Variants in CAPN8 observed in about 807,000 individuals in gnomAD.
The protein encoded by CAPN8 is calpain 8, also known as calpain-8.
A neutral mutation model predicts 80.9 loss-of-function variants in CAPN8; 87 were observed. That is an observed-to-expected ratio of 1.07 (90% confidence interval 0.90 to 1.28). The LOEUF (loss-of-function observed/expected upper bound fraction) is 1.28, where lower values mean the gene tolerates loss of function less well. Among genes scored for constraint, CAPN8 ranks in the 50% most tolerant of loss-of-function variants. The pLI, the probability that CAPN8 is intolerant of heterozygous loss-of-function variation, is 0.00. For missense variants in CAPN8, 757 were observed against 702.0 expected (o/e 1.08, Z -0.89); for synonymous variants, 299 against 273.8 (o/e 1.09, Z -0.91).
intron 2 of CAPN8, among the ~76,000 whole-genome samples, chr1:223,646,034 C>T (rs1658181750): frequency 6.6e-6 from 1 of 152,186 alleles, no homozygotes; most frequent in Non-Finnish European, 1.5e-5. Context: ...GGAAAATAGA[C>T]TGCACTCTGT....
At chr1:223,621,651 G>A (rs1281076090) in intron 7 of CAPN8, among the ~76,000 whole-genome samples, 2 of 152,138 alleles carry the variant, frequency 1.3e-5, no homozygotes, top group East Asian at 1.9e-4. Flanking sequence ...GTGTTTCTTC[G>A]TGACACAACC....
rs1401475217 is a variant in CAPN8, at chr1:223,546,694, T to C, written c.1765-1395A>G. 2.0e-5 allele frequency among the ~76,000 whole-genome samples: 3 copies of C among 152,136 alleles called. No homozygotes were observed. In the East Asian group the frequency reaches 5.8e-4, roughly 29 times the overall value. Reference sequence around the variant, plus strand: ...TCCCATTTTCCAGGAGAAACTGAAGTTCAGAGCATTTAGTAACTTCCTCAA... The same window carrying C: ...TCCCATTTTCCAGGAGAAACTGAAGCTCAGAGCATTTAGTAACTTCCTCAA... On this transcript the variant is annotated intron_variant, in intron 16 of 20. Transcript: ENST00000366872.
chr1:223,609,149 G>C lies in CAPN8; in HGVS notation c.1535+4C>G, dbSNP rs1316073016. 5 of 398,400 alleles carry C rather than the reference G, an allele frequency of 1.3e-5. No individual in the cohort carries two copies. The highest frequency in any genetic ancestry group is 2.2e-5 in the Non-Finnish European group (5 of 226,072). 24.7% of individuals were successfully genotyped at this position (398,400 alleles called of 1,614,324 possible). A position where few individuals can be genotyped will look rare whatever the true frequency, so the allele number is the denominator to read the frequency against. On this transcript the variant is annotated splice_donor_region_variant and intron_variant, in intron 12 of 20. Transcript: ENST00000366872. ...TTCCCCACCACGGAGGGAAGGAGAC[G>C]CACAGGGCCTGGGCCTTCTTCTCTG...
intron 4 of CAPN8, 114 bp from the exon 5 acceptor site, chr1:223,627,271 C>T: frequency 8.1e-7 from 1 of 1,242,130 alleles, no homozygotes; most frequent in Non-Finnish European, 1.1e-6. Context: ...AAGGAAGGCT[C>T]TTTGCCTATT....
chr1:223,653,762 G>A (rs973038492), intron 2 of CAPN8, among the ~76,000 whole-genome samples: 2 of 152,094 alleles, frequency 1.3e-5, no homozygotes, highest in Non-Finnish European at 2.9e-5. Context: ...TGACAATGGA[G>A]GCTAGAACTT....
intron 1 of CAPN8, among the ~76,000 whole-genome samples, chr1:223,661,904 G>T (rs1269579195): frequency 6.6e-6 from 1 of 152,130 alleles, no homozygotes; most frequent in Non-Finnish European, 1.5e-5. Context: ...ATAACCAAAA[G>T]TGGAAGCAAC....
chr1:223,638,934 T>C (rs939665044), intron 2 of CAPN8, among the ~76,000 whole-genome samples: 1 of 152,242 alleles, frequency 6.6e-6, no homozygotes, highest in Non-Finnish European at 1.5e-5. Context: ...ATCCTGCTAA[T>C]GTAGAATTAA....
chr1:223,558,269 C>T, intron 12 of CAPN8, 102 bp from the exon 13 acceptor site: 1 of 396,978 alleles, frequency 2.5e-6, no homozygotes, highest in Non-Finnish European at 4.4e-6. Context: ...AGAGATTGGG[C>T]TCGCACCCCA....
chr1:223,643,253 C>G (rs535672968), intron 2 of CAPN8, among the ~76,000 whole-genome samples: 1 of 152,364 alleles, frequency 6.6e-6, no homozygotes, highest in South Asian at 2.1e-4. Context: ...CCCTGACACA[C>G]TGTCAAGTGT....
rs953383500 is a variant in CAPN8, at chr1:223,609,301, G to C, written c.1387C>G (p.Arg463Gly). Residue 463 changes from arginine (R) to glycine (G), a missense_variant, in exon 12 of 21, where the codon CGC (arginine) becomes GGC (glycine). Transcript: ENST00000366872. ...CGCAGGTTGACGTAGGTGCTGGTGC[G>C]GGCTGAGGGCTGGTAGGCCAGGAAG... is the stretch of plus-strand genomic sequence containing the variant. ...DFFLAYQPSA[R>G]TSTYVNLREV... The C allele has an allele frequency of 2.5e-6, 1 of 398,460 alleles. No individual in the cohort carries two copies. Among genetic ancestry groups the C allele is most frequent in the African/African-American group, 2.1e-5 (1 of 48,588 alleles). The allele number at this position is 398,460 out of a possible 1,614,324, so 24.7% of individuals were successfully genotyped here.
intron 1 of CAPN8, among the ~76,000 whole-genome samples, chr1:223,656,398 T>A (rs1246505872): frequency 2.6e-5 from 4 of 151,942 alleles, no homozygotes; most frequent in African/African-American, 9.7e-5. Flanking sequence ...AGGCGGAGGT[T>A]GCAGTAAGCC....
At chr1:223,662,333 C>T (rs1658667047) in intron 1 of CAPN8, among the ~76,000 whole-genome samples, 1 of 152,050 alleles carries the variant, frequency 6.6e-6, no homozygotes, top group African/African-American at 2.4e-5. Flanking sequence ...CCTGTAATCC[C>T]AGCTACTCAG....
intron 16 of CAPN8, 111 bp downstream of exon 16, chr1:223,549,207 T>A (rs1656714906): frequency 7.2e-7 from 1 of 1,381,710 alleles, no homozygotes; most frequent in Non-Finnish European, 9.8e-7. Context: ...GCCTGCTCTC[T>A]CCCCTTCTCA....
chr1:223,627,008 A>C lies in CAPN8; in HGVS notation c.710T>G (p.Leu237Arg). The C allele has an allele frequency of 6.4e-7, 1 of 1,551,820 alleles. No homozygotes were observed. Among genetic ancestry groups the C allele is most frequent in the Non-Finnish European group, 8.7e-7 (1 of 1,146,998 alleles). ...CCTCACATCAATGGAGCAGCCCAGC[A>C]GAGACCCCGCACAGAGGGCCTTCCG... ...IIRKALCAGS[L>R]LGCSIDVSSA... is the part of the protein sequence containing the mutation. Residue 237 changes from leucine (L) to arginine (R), a missense_variant, in exon 5 of 21, where the codon CTG becomes CGG. Leu to Arg is a moderately radical substitution (Grantham distance 102). Transcript: ENST00000366872.
chr1:223,611,578 G>T (rs1445953193), intron 11 of CAPN8, among the ~76,000 whole-genome samples: 2 of 152,182 alleles, frequency 1.3e-5, no homozygotes, highest in Non-Finnish European at 2.9e-5. Context: ...TTCAATAAAA[G>T]TTGCTAACAC....
At chr1:223,618,269 A>C (rs781057755) in intron 9 of CAPN8, 1 of 1,550,396 alleles carries the variant, frequency 6.4e-7, no homozygotes, top group Non-Finnish European at 8.7e-7. Flanking sequence ...AGCTGATTCA[A>C]CCTAGGAGGA....
intron 20 of CAPN8, 137 bp from the exon 21 acceptor site, chr1:223,541,996 A>G (rs1026498974): frequency 4.3e-6 from 6 of 1,396,662 alleles, no homozygotes; most frequent in Non-Finnish European, 5.9e-6. Context: ...AAACATGGGA[A>G]GCAAGGAAGG....
chr1:223,628,783 GCA>G lies in CAPN8; in HGVS notation c.308-5_308-4del. The G allele has an allele frequency of 6.4e-7, 1 of 1,553,068 alleles. No individual in the cohort carries two copies. Among genetic ancestry groups the G allele is most frequent in the Admixed American group, 1.9e-5 (1 of 51,440 alleles). ...GGCAGCCAGAAGCCAGCAGTCACCTGCACAGTGTCACAGGGGACACAGATTGG... is the reference window on the plus strand; with the variant it reads ...GGCAGCCAGAAGCCAGCAGTCACCTGCAGTGTCACAGGGGACACAGATTGG... On this transcript the variant is annotated splice_polypyrimidine_tract_variant and splice_region_variant and intron_variant, in intron 2 of 20. Transcript: ENST00000366872.
intron 1 of CAPN8, among the ~76,000 whole-genome samples, chr1:223,656,458 C>G (rs1198049525): frequency 2.0e-5 from 3 of 151,930 alleles, no homozygotes; most frequent in African/African-American, 7.3e-5. Context: ...GAAACTCCAT[C>G]TCAAAAACAA....
Sources: gnomAD v4.1 joint callset for allele counts (sites outside exome capture counted in the v4.1 genomes callset) on GRCh38, gnomAD v4.1.1 for gene constraint, MANE v1.5 for transcripts, NCBI Gene and HGNC (gene_info 2026-07-23, HGNC 2026-07-21) for gene names.